Variants in NOXRED1 observed in about 807,000 individuals in gnomAD.
NOXRED1 encodes NADP-dependent oxidoreductase domain-containing protein 1.
NOXRED1 carries 20 observed loss-of-function variants against 30.4 expected under a neutral mutation model. That is an observed-to-expected ratio of 0.66 (90% CI 0.46 to 0.96). The LOEUF (loss-of-function observed/expected upper bound fraction) is 0.96. NOXRED1 is among the 40% of genes least tolerant of loss of function. NOXRED1 has a pLI of 0.00. For synonymous variants in NOXRED1, 155 were observed against 168.0 expected (o/e 0.92, Z 0.60); for missense variants, 374 against 428.0 (o/e 0.87, Z 1.11).
At chr14:77,412,998 A>G (rs1894702924) in intron 2 of NOXRED1, among the ~76,000 whole-genome samples, 1 of 152,114 alleles carries the variant, frequency 6.6e-6, no homozygotes, top group East Asian at 1.9e-4. Flanking sequence ...TACAATATGC[A>G]TATTATTTTA....
chr14:77,414,255 C>T, intron 1 of NOXRED1, 128 bp from the exon 2 acceptor site: 4 of 529,504 alleles, frequency 7.6e-6, no homozygotes, highest in Non-Finnish European at 1.3e-5. Context: ...GATCTTGACT[C>T]ACCGCAAGCT....
At chr14:77,408,812 A>C (rs1894553242) in intron 2 of NOXRED1, among the ~76,000 whole-genome samples, 3 of 151,628 alleles carry the variant, frequency 2.0e-5, no homozygotes, top group Admixed American at 2.0e-4. Flanking sequence ...AGTATATACA[A>C]ATTAATTTTA....
chr14:77,416,755 C>T (rs1196458112), intron 1 of NOXRED1, among the ~76,000 whole-genome samples: 7 of 152,196 alleles, frequency 4.6e-5, no homozygotes, highest in African/African-American at 9.7e-5. Flanking sequence ...GGCAGAGGGG[C>T]TCCTCACTTC....
In NOXRED1 at chr14:77,406,084, A is replaced by G; in HGVS notation, c.734T>C (p.Leu245Pro). Reference sequence around the variant, plus strand: ...CATGTTTCTTGCTGTGCATATGTTTAGGGCCGCATAGAACACTCCCTCCAA... The same window carrying G: ...CATGTTTCTTGCTGTGCATATGTTTGGGGCCGCATAGAACACTCCCTCCAA... ...KWLEGVFYAA[L>P]NICTARNMAH... The change falls in exon 5 of 6, where the codon CTA (leucine) becomes CCA (proline). Residue 245 changes from leucine (L) to proline (P), a missense_variant. Physicochemically the swap from Leu to Pro is moderately conservative, Grantham distance 98. Transcript: ENST00000380835. 1 of 1,613,866 alleles carries G rather than the reference A, an allele frequency of 6.2e-7. No homozygotes were observed. The highest frequency in any genetic ancestry group is 8.5e-7 in the Non-Finnish European group (1 of 1,179,826).
intron 1 of NOXRED1, 54 bp from the exon 2 acceptor site, chr14:77,414,181 CTT>C (rs10592368): frequency 0.62 from 442,709 of 717,724 alleles, 97,477 homozygotes; most frequent in Admixed American, 0.67. Flanking sequence ...ACTAGTTTTT[CTT>C]TTTTTTTTTT....
chr14:77,411,742 A>G (rs867687352), intron 2 of NOXRED1, among the ~76,000 whole-genome samples: 1 of 152,136 alleles, frequency 6.6e-6, no homozygotes, highest in Non-Finnish European at 1.5e-5. Context: ...ACAGTTGTAT[A>G]CGTGTCAAAA....
chr14:77,413,632 C>A (rs1188141502), intron 2 of NOXRED1, among the ~76,000 whole-genome samples: 1 of 152,168 alleles, frequency 6.6e-6, no homozygotes, highest in East Asian at 1.9e-4. Flanking sequence ...CAGACCCTAA[C>A]TGATTCAGTT....
chr14:77,408,449 G>A (rs1203045013), intron 2 of NOXRED1, among the ~76,000 whole-genome samples: 2 of 151,780 alleles, frequency 1.3e-5, no homozygotes, highest in African/African-American at 4.8e-5. Context: ...TCCCACCTCC[G>A]CCTCCCAAAG....
At chr14:77,397,655 G>A (rs933539973) in intron 5 of NOXRED1, among the ~76,000 whole-genome samples, 2 of 152,150 alleles carry the variant, frequency 1.3e-5, no homozygotes, top group Non-Finnish European at 2.9e-5. Flanking sequence ...GGGAGGCCAA[G>A]GCAGGCGGAT....
chr14:77,401,244 T>G (rs1594869605), intron 5 of NOXRED1, among the ~76,000 whole-genome samples: 1 of 151,562 alleles, frequency 6.6e-6, no homozygotes, highest in Non-Finnish European at 1.5e-5. Flanking sequence ...TGGTGGCGGG[T>G]GCCTGTAATC....
chr14:77,418,830 G>A (rs1894905452), intron 1 of NOXRED1, among the ~76,000 whole-genome samples: 1 of 151,876 alleles, frequency 6.6e-6, no homozygotes, highest in Non-Finnish European at 1.5e-5. Flanking sequence ...CACTTGGCCA[G>A]CTTTTATCTT....
chr14:77,400,358 A>G (rs1317699922), intron 5 of NOXRED1, among the ~76,000 whole-genome samples: 1 of 152,252 alleles, frequency 6.6e-6, no homozygotes, highest in Admixed American at 6.5e-5. Flanking sequence ...ACCAGAAAGT[A>G]TCTGAGACAA....
At chr14:77,409,790 A>G (rs1024706710) in intron 2 of NOXRED1, among the ~76,000 whole-genome samples, 3 of 151,950 alleles carry the variant, frequency 2.0e-5, no homozygotes, top group Non-Finnish European at 4.4e-5. Flanking sequence ...TATTGATGGG[A>G]TAAAGATATA....
chr14:77,408,513 A>AG (rs1894546236), intron 2 of NOXRED1, among the ~76,000 whole-genome samples: 1 of 152,178 alleles, frequency 6.6e-6, no homozygotes, highest in East Asian at 1.9e-4. Context: ...TTTTTTAGGA[A>AG]GAAAAAAAAT....
At chr14:77,418,139 GTATTTT>G (rs1004029941) in intron 1 of NOXRED1, among the ~76,000 whole-genome samples, 23 of 151,212 alleles carry the variant, frequency 1.5e-4, no homozygotes, top group African/African-American at 5.3e-4. Flanking sequence ...TTTTTTTTTA[GTATTTT>G]TATTTTTGAG....
At chr14:77,406,175 C>A (rs1471360645) in intron 4 of NOXRED1, 40 bp from the exon 5 acceptor site, 2 of 1,422,460 alleles carry the variant, frequency 1.4e-6, no homozygotes, top group Non-Finnish European at 2.0e-6. Flanking sequence ...TTAGCACCAC[C>A]AAAAATGAGT....
At chr14:77,405,344 G>A (rs774339950) in intron 5 of NOXRED1, among the ~76,000 whole-genome samples, 12 of 152,180 alleles carry the variant, frequency 7.9e-5, no homozygotes, top group South Asian at 2.1e-4. Flanking sequence ...GCAGTGAGCC[G>A]AGATCGTGCC....
chr14:77,408,331 GA>G, intron 2 of NOXRED1, among the ~76,000 whole-genome samples: 1 of 152,168 alleles, frequency 6.6e-6, no homozygotes, highest in South Asian at 2.1e-4. Flanking sequence ...AAGTAGCTGG[GA>G]CCACTGGTGA....
At chr14:77,424,983 A>G (rs1028870938), upstream of NOXRED1, among the ~76,000 whole-genome samples, 3 of 152,150 alleles carry the variant, frequency 2.0e-5, no homozygotes, top group African/African-American at 7.2e-5. Context: ...TGTAACTGCT[A>G]CATCTTCCCT....
Sources: allele counts gnomAD v4.1 joint callset (sites outside exome capture counted in the v4.1 genomes callset), GRCh38; gene constraint gnomAD v4.1.1; transcripts MANE v1.5; gene names NCBI Gene and HGNC (gene_info 2026-07-23, HGNC 2026-07-21).